Variants in AXIN1 observed in about 807,000 individuals in gnomAD.
AXIN1 encodes axin 1.
Under a neutral mutation model 76.4 loss-of-function variants are expected in AXIN1, and 30 were observed. The observed-to-expected ratio is 0.39, with a 90% CI of 0.29 to 0.53. The LOEUF (loss-of-function observed/expected upper bound fraction) is 0.53. Among genes scored for constraint, AXIN1 ranks in the 20% least tolerant of loss-of-function variants. The pLI, the probability that AXIN1 is intolerant of heterozygous loss-of-function variation, is 0.66. For missense variants in AXIN1, 1,140 were observed against 1,198.8 expected, an observed-to-expected ratio of 0.95 and a Z score of 0.72; for synonymous variants, 545 against 501.4, an observed-to-expected ratio of 1.09 and a Z score of -1.16.
In AXIN1 at chr16:288,077, CCCG is replaced by C. The variant is rs1452436138; in HGVS notation, c.*42_*44del. On this transcript the variant is annotated 3_prime_UTR_variant, in exon 11 of 11. Transcript: ENST00000262320. ...CATCTGCCTGGCCGTGACACCCGTG[CCCG>C]CCAAGGGCCTCGCCTGGCACAGCGG... is the stretch of plus-strand genomic sequence containing the variant. 4 of 1,612,244 alleles carry C rather than the reference CCCG, an allele frequency of 2.5e-6. No individual in the cohort carries two copies. Among genetic ancestry groups the C allele is most frequent in the East Asian group, 2.2e-5 (1 of 44,878 alleles).
At chr16:294,474 A>G (rs1196930198) in intron 7 of AXIN1, among the ~76,000 whole-genome samples, 1 of 148,934 alleles carries the variant, frequency 6.7e-6, no homozygotes, top group Non-Finnish European at 1.5e-5. Context: ...AAAAAAAAAA[A>G]AAAAAAAAAA....
chr16:291,992 AG>A (rs1180831346), intron 8 of AXIN1: 1 of 155,974 alleles, frequency 6.4e-6, no homozygotes, highest in Non-Finnish European at 1.4e-5. Context: ...AACGGGCGGG[AG>A]GGTCGTGTCT....
At chr16:344,183 C>T (rs532837423) in intron 2 of AXIN1, among the ~76,000 whole-genome samples, 5 of 151,460 alleles carry the variant, frequency 3.3e-5, no homozygotes, top group East Asian at 2.0e-4. Flanking sequence ...CTGTAATCCC[C>T]GCACTTTGGG....
At chr16:315,644 A>G (rs1220127459) in intron 2 of AXIN1, among the ~76,000 whole-genome samples, 2 of 151,992 alleles carry the variant, frequency 1.3e-5, no homozygotes, top group African/African-American at 4.8e-5. Context: ...TGGCTAACAC[A>G]GTGAAACCCC....
intron 9 of AXIN1, chr16:289,855 G>C (rs894876251): frequency 1.7e-6 from 1 of 583,534 alleles, no homozygotes; most frequent in African/African-American, 1.9e-5. Context: ...CCCCACCCTC[G>C]ACTGGCCAGG....
At chr16:328,703 A>T (rs2053630295) in intron 2 of AXIN1, among the ~76,000 whole-genome samples, 1 of 152,164 alleles carries the variant, frequency 6.6e-6, no homozygotes, top group African/African-American at 2.4e-5. Context: ...TGTCAAAAAA[A>T]ATAATAATAA....
At chr16:348,562 G>A (rs748568618) in intron 1 of AXIN1, among the ~76,000 whole-genome samples, 29 of 152,210 alleles carry the variant, frequency 1.9e-4, no homozygotes, top group Non-Finnish European at 2.9e-4. Context: ...CTACTCAGGA[G>A]GCTGAGGCTG....
At chr16:335,788 T>A (rs2053791022) in intron 2 of AXIN1, among the ~76,000 whole-genome samples, 1 of 152,196 alleles carries the variant, frequency 6.6e-6, no homozygotes, top group African/African-American at 2.4e-5. Flanking sequence ...GAAAAAATAC[T>A]TTATCCAAGA....
chr16:301,990 ACT>A (rs2052886296), intron 5 of AXIN1, among the ~76,000 whole-genome samples: 1 of 152,132 alleles, frequency 6.6e-6, no homozygotes, highest in South Asian at 2.1e-4. Context: ...ATTCTTGGTA[ACT>A]CTGTTCCCAA....
In AXIN1 at chr16:346,923, T is replaced by C. The variant is rs1361248058; in HGVS notation, c.103A>G (p.Thr35Ala). The C allele has an allele frequency of 5.0e-6, 8 of 1,614,216 alleles. No individual in the cohort carries two copies. Among genetic ancestry groups the C allele is most frequent in the Admixed American group, 1.7e-5 (1 of 60,020 alleles). The change falls in exon 2 of 11, where the codon ACA becomes GCA. Residue 35 changes from threonine to alanine, a missense_variant. Physicochemically the swap from Thr to Ala is moderately conservative, Grantham distance 58 (BLOSUM62 0). Around this residue, in one of 3 missense-constraint regions of AXIN1, gnomAD observed 708 missense variants for 776.9 expected, o/e 0.91. Coordinates refer to ENST00000262320, the MANE Select transcript of AXIN1 (RefSeq NM_003502.4). Reference sequence around the variant, plus strand: ...CTGTAGCTGGCGGGCCTCGGGTCTGTGGACACCAGTTCTCCCTCCTCACCA... The same window carrying C: ...CTGTAGCTGGCGGGCCTCGGGTCTGCGGACACCAGTTCTCCCTCCTCACCA... Reference protein sequence around the residue: ...VPGEEGELVSTDPRPASYSFC... With the variant: ...VPGEEGELVSADPRPASYSFC...
At chr16:326,372 A>AAATATATAT (rs1380874299) in intron 2 of AXIN1, among the ~76,000 whole-genome samples, 2 of 86,468 alleles carry the variant, frequency 2.3e-5, no homozygotes, top group East Asian at 7.2e-4. Context: ...AAAAAAAAAA[A>AAATATATAT]ATATATATAT....
rs778255728 is a variant in AXIN1, at chr16:288,292, A to AGAT, written c.2463-47_2463-45dup. On this transcript the variant is annotated intron_variant, in intron 10 of 10. Coordinates refer to ENST00000262320, the MANE Select transcript of AXIN1 (RefSeq NM_003502.4). ...GAGGGCAGTGAGCAGGCAGCACCGC[A>AGAT]GATGGGAAGGAGGCCTGTGGCAGGG... 3.1e-6 allele frequency: 5 copies of AGAT among 1,612,778 alleles called. No individual in the cohort carries two copies. The East Asian group carries it at 8.9e-5, about 29-fold the overall frequency.
rs535988603 is a variant in AXIN1, at chr16:291,945, G to T, written c.2187-648C>A. 3.8e-5 allele frequency: 6 copies of T among 156,586 alleles called. No homozygotes were observed. The South Asian group carries it at 1.2e-3, about 31-fold the overall frequency. The allele number at this position is 156,586 out of a possible 1,614,324, so 9.7% of individuals were successfully genotyped here. The stretch of plus-strand genomic sequence containing the variant: ...TGGACGGACAAACCCAGCAACTCTG[G>T]GTTTCCCCATGGGGGGATGCTGGAG... On this transcript the variant is annotated intron_variant, in intron 8 of 10. Transcript: ENST00000262320.
chr16:350,295 T>C (rs989540923), intron 1 of AXIN1, among the ~76,000 whole-genome samples: 3 of 152,172 alleles, frequency 2.0e-5, no homozygotes, highest in Non-Finnish European at 4.4e-5. Context: ...ACACCAAGCA[T>C]TTAGTGTACA....
At chr16:331,795 A>G (rs1597091963) in intron 2 of AXIN1, among the ~76,000 whole-genome samples, 2 of 152,350 alleles carry the variant, frequency 1.3e-5, no homozygotes, top group East Asian at 3.9e-4. Context: ...GCAAAGGTGC[A>G]AGCCTGACAC....
chr16:316,804 A>G (rs2053312885), intron 2 of AXIN1, among the ~76,000 whole-genome samples: 1 of 152,210 alleles, frequency 6.6e-6, no homozygotes, highest in South Asian at 2.1e-4. Flanking sequence ...TTGTAAGTTA[A>G]ATTTGATCAG....
chr16:299,063 G>A (rs900983941), intron 5 of AXIN1: 13 of 985,196 alleles, frequency 1.3e-5, no homozygotes, highest in Admixed American at 1.2e-4. Flanking sequence ...CGCCGCGCCC[G>A]GCCTCCCATT....
chr16:322,553 T>C (rs112759082), intron 2 of AXIN1, among the ~76,000 whole-genome samples: 81 of 152,188 alleles, frequency 5.3e-4, no homozygotes, highest in African/African-American at 1.9e-3. Context: ...GGGCTGCACA[T>C]CCTCCTCTCC....
chr16:303,114 A>G (rs1291556151), intron 5 of AXIN1, among the ~76,000 whole-genome samples: 1 of 152,148 alleles, frequency 6.6e-6, no homozygotes, highest in South Asian at 2.1e-4. Context: ...CACTCGCCTC[A>G]GCCTCCCATA....
Sources: allele counts gnomAD v4.1 joint callset (sites outside exome capture counted in the v4.1 genomes callset), GRCh38; gene constraint gnomAD v4.1.1; regional missense constraint gnomAD v4.1.1; transcripts MANE v1.5; gene names NCBI Gene and HGNC (gene_info 2026-07-23, HGNC 2026-07-21).